Variants in CDH6 observed in about 807,000 individuals in gnomAD.
CDH6 encodes cadherin 6.
Under a neutral mutation model 78.0 loss-of-function variants are expected in CDH6, and 31 were observed. The ratio of observed to expected loss-of-function variants is 0.40; its 90% CI spans 0.30 to 0.54. The LOEUF is 0.54. CDH6 is among the 20% of genes least tolerant of loss of function. The pLI is 0.56. For missense variants in CDH6, 724 were observed against 975.9 expected (o/e 0.74, Z 3.44); for synonymous variants, 376 against 368.8 (o/e 1.02, Z -0.23).
At chr5:31,261,168 T>C (rs1561047108) in intron 1 of CDH6, among the ~76,000 whole-genome samples, 1 of 152,212 alleles carries the variant, frequency 6.6e-6, no homozygotes, top group Non-Finnish European at 1.5e-5. Context: ...TATTTTTTCA[T>C]TCTGTTTCCT....
intron 8 of CDH6, among the ~76,000 whole-genome samples, chr5:31,315,547 G>T (rs1031666899): frequency 6.6e-6 from 1 of 152,166 alleles, no homozygotes; most frequent in Non-Finnish European, 1.5e-5. Context: ...CATTGATTCC[G>T]CTTTATCATT....
intron 1 of CDH6, among the ~76,000 whole-genome samples, chr5:31,239,504 A>G (rs1346955588): frequency 1.3e-5 from 2 of 152,358 alleles, no homozygotes; most frequent in African/African-American, 4.8e-5. Flanking sequence ...TTATCTTATT[A>G]GAAAACACTG....
intron 2 of CDH6, among the ~76,000 whole-genome samples, chr5:31,279,425 A>C (rs538040533): frequency 1.6e-4 from 24 of 152,108 alleles, no homozygotes; most frequent in African/African-American, 5.8e-4. Context: ...AAAAATTACA[A>C]AAAATTAGCC....
At chr5:31,226,635 C>T (rs967584686) in intron 1 of CDH6, among the ~76,000 whole-genome samples, 1 of 152,154 alleles carries the variant, frequency 6.6e-6, no homozygotes, top group African/African-American at 2.4e-5. Flanking sequence ...AGTTCTCCTA[C>T]TTCTTGTCCC....
rs371023780 is a variant in CDH6, at chr5:31,304,669, G to T, written c.1000-505G>T. 2.9e-5 allele frequency among the ~76,000 whole-genome samples: 4 copies of T among 136,800 alleles called. No individual in the cohort carries two copies. The East Asian group carries it at 8.8e-4, about 30-fold the overall frequency. The allele number at this position is 136,800 out of a possible 152,430, so 89.7% of individuals were successfully genotyped here. On this transcript the variant is annotated intron_variant, in intron 6 of 11. Transcript: ENST00000265071. ...CAATGCACTCCAGCCTGGCGACAGA[G>T]CGAGACTCCGTCTCAAAAAAAAAAA... is the stretch of plus-strand genomic sequence containing the variant.
chr5:31,240,527 A>T (rs896910547), intron 1 of CDH6, among the ~76,000 whole-genome samples: 8 of 152,142 alleles, frequency 5.3e-5, no homozygotes, highest in African/African-American at 1.9e-4. Context: ...TATGAGGCCA[A>T]ACCAGTGACA....
At chr5:31,203,072 C>T (rs994229076) in intron 1 of CDH6, among the ~76,000 whole-genome samples, 1 of 151,946 alleles carries the variant, frequency 6.6e-6, no homozygotes, top group East Asian at 1.9e-4. Context: ...TTGTATTAAG[C>T]TACTTGTTTA....
intron 2 of CDH6, among the ~76,000 whole-genome samples, chr5:31,290,921 C>A (rs940879531): frequency 2.6e-5 from 4 of 152,224 alleles, no homozygotes; most frequent in Non-Finnish European, 5.9e-5. Context: ...CTTGCTCACA[C>A]TCTTCTCACT....
At chr5:31,317,988 C>T (rs755120827) in intron 11 of CDH6, 64 bp downstream of exon 11, 1 of 1,577,818 alleles carries the variant, frequency 6.3e-7, no homozygotes, top group African/African-American at 1.3e-5. Flanking sequence ...TACTGTGACA[C>T]TCTAGATTTA....
chr5:31,302,896 A>AAAAAAAG (rs1737840721), intron 6 of CDH6, among the ~76,000 whole-genome samples: 2 of 137,182 alleles, frequency 1.5e-5, no homozygotes, highest in African/African-American at 5.7e-5. Flanking sequence ...GGAAAGAAAG[A>AAAAAAAG]AAGAAAAAAA....
chr5:31,218,954 T>C (rs571299911), intron 1 of CDH6, among the ~76,000 whole-genome samples: 5 of 152,290 alleles, frequency 3.3e-5, no homozygotes, highest in Admixed American at 1.3e-4. Flanking sequence ...ATTTTATGGG[T>C]CACCTTGGCT....
rs951038512 is a variant in CDH6, at chr5:31,247,511, C to T, written c.-128-19835C>T. On this transcript the variant is annotated intron_variant, in intron 1 of 11. Coordinates refer to ENST00000265071, the MANE Select transcript of CDH6 (RefSeq NM_004932.4). ...GAGAGGATTGCCTTAGACAAGAAAA[C>T]ATCCAAGGATGCTGTGGCAGGTGTC... is the stretch of plus-strand genomic sequence containing the variant. Among the ~76,000 whole-genome samples the T allele has an allele frequency of 2.6e-5, 4 of 152,180 alleles. No individual in the cohort carries two copies. In the South Asian group the frequency reaches 8.3e-4, roughly 32 times the overall value.
At position 31,291,228 on chromosome 5, in the gene CDH6, A is replaced by AT. The variant is rs1463092102; in HGVS notation, c.229-2730dup. Among the ~76,000 whole-genome samples the AT allele has an allele frequency of 2.0e-5, 3 of 151,804 alleles. No homozygotes were observed. The East Asian group carries it at 5.9e-4, about 30-fold the overall frequency. ...AAAGAATACTGGCTTTTGATCACAGATTTTACCTTAGAGATACCATGTGTC... is the reference window on the plus strand; with the variant it reads ...AAAGAATACTGGCTTTTGATCACAGATTTTTACCTTAGAGATACCATGTGTC... On this transcript the variant is annotated intron_variant, in intron 2 of 11. Coordinates refer to ENST00000265071, the MANE Select transcript of CDH6 (RefSeq NM_004932.4).
intron 1 of CDH6, among the ~76,000 whole-genome samples, chr5:31,206,488 A>C (rs936858524): frequency 5.9e-5 from 9 of 152,126 alleles, no homozygotes; most frequent in Non-Finnish European, 1.0e-4. Flanking sequence ...CTTTAATTTG[A>C]GTCAGTCTTA....
At chr5:31,264,124 CAA>C (rs1035999666) in intron 1 of CDH6, among the ~76,000 whole-genome samples, 2 of 152,132 alleles carry the variant, frequency 1.3e-5, no homozygotes, top group African/African-American at 4.8e-5. Flanking sequence ...GAAGTCCACA[CAA>C]AAGAAAACAA....
intron 6 of CDH6, 99 bp from the exon 7 acceptor site, chr5:31,305,075 C>G: frequency 8.5e-7 from 1 of 1,174,882 alleles, no homozygotes; most frequent in Non-Finnish European, 1.2e-6. Context: ...TGATCGCATT[C>G]ATTTATCAGT....
intron 1 of CDH6, among the ~76,000 whole-genome samples, chr5:31,197,653 C>A (rs1740206477): frequency 6.6e-6 from 1 of 152,168 alleles, no homozygotes; most frequent in South Asian, 2.1e-4. Context: ...AAGGCATACA[C>A]ACACACGCAA....
chr5:31,238,291 C>G (rs1741504907), intron 1 of CDH6, among the ~76,000 whole-genome samples: 1 of 152,048 alleles, frequency 6.6e-6, no homozygotes, highest in Admixed American at 6.5e-5. Flanking sequence ...ATGGGAGAGC[C>G]AGAATAATGC....
At chr5:31,314,146 T>A (rs1738236765) in intron 8 of CDH6, among the ~76,000 whole-genome samples, 1 of 152,244 alleles carries the variant, frequency 6.6e-6, no homozygotes, top group South Asian at 2.1e-4. Flanking sequence ...TGAAAAATGA[T>A]CTTTTTTTAA....
Sources: gnomAD v4.1 joint callset for allele counts (sites outside exome capture counted in the v4.1 genomes callset) on GRCh38, gnomAD v4.1.1 for gene constraint, MANE v1.5 for transcripts, NCBI Gene and HGNC (gene_info 2026-07-23, HGNC 2026-07-21) for gene names.